The following POT1 variants were observed in gnomAD, a reference collection of about 807,000 sequenced individuals.
POT1 encodes protection of telomeres 1.
POT1 carries 47 observed loss-of-function variants against 78.5 expected under a neutral mutation model. The ratio of observed to expected loss-of-function variants is 0.60; its 90% CI spans 0.47 to 0.76. The LOEUF (loss-of-function observed/expected upper bound fraction) is 0.76, where lower values mean the gene tolerates loss of function less well. Among genes scored for constraint, POT1 ranks in the 30% least tolerant of loss-of-function variants. The pLI is 0.00. For missense variants in POT1, 646 were observed against 749.9 expected (o/e 0.86, Z 1.62); for synonymous variants, 259 against 260.7 (o/e 0.99, Z 0.06).
intron 14 of POT1, among the ~76,000 whole-genome samples, chr7:124,840,262 CA>C (rs1195010591): frequency 6.6e-6 from 1 of 151,404 alleles, no homozygotes; most frequent in Non-Finnish European, 1.5e-5. Flanking sequence ...TCTTCTATTA[CA>C]AAAGGTTTCA....
Position 124,823,238 on chromosome 7 carries a change from C to A in POT1, c.*724G>T, listed in dbSNP as rs1341866047. The A allele has an allele frequency of 1.3e-5, 2 of 151,928 alleles. No homozygotes were observed. Among genetic ancestry groups the A allele is most frequent in the African/African-American group, 2.4e-5 (1 of 41,400 alleles). The allele number at this position is 151,928 out of a possible 1,614,324, so 9.4% of individuals were successfully genotyped here. A position where few individuals can be genotyped will look rare whatever the true frequency, so the allele number is the denominator to read the frequency against. On this transcript the variant is annotated 3_prime_UTR_variant, in exon 19 of 19. Coordinates refer to ENST00000357628, the MANE Select transcript of POT1 (RefSeq NM_015450.3). ...TATCATTTTTCAGCTCAACTTAGGG[C>A]AAATAAATGAAACAGTTGAAATGTG... is the stretch of plus-strand genomic sequence containing the variant.
intron 6 of POT1, among the ~76,000 whole-genome samples, chr7:124,882,918 G>A (rs538204043): frequency 3.9e-4 from 59 of 152,152 alleles, no homozygotes; most frequent in African/African-American, 1.2e-3. Flanking sequence ...ACAAAGTGAA[G>A]TGATAGGGAG....
intron 2 of POT1, among the ~76,000 whole-genome samples, chr7:124,925,358 A>T (rs545103754): frequency 4.6e-5 from 7 of 152,216 alleles, no homozygotes; most frequent in Admixed American, 3.9e-4. Flanking sequence ...CCCATTTACA[A>T]CAGCTACAAA....
intron 6 of POT1, among the ~76,000 whole-genome samples, chr7:124,886,491 G>A (rs540996254): frequency 1.3e-5 from 2 of 152,054 alleles, no homozygotes; most frequent in African/African-American, 4.8e-5. Context: ...GAAGTTACTA[G>A]AGAGAGTTTT....
chr7:124,896,740 A>G (rs890005171), intron 5 of POT1, among the ~76,000 whole-genome samples: 5 of 151,760 alleles, frequency 3.3e-5, no homozygotes, highest in East Asian at 1.9e-4. Context: ...GAAATGTATC[A>G]TAAGTATAAG....
chr7:124,904,039 A>G (rs1337614942), intron 3 of POT1, among the ~76,000 whole-genome samples: 1 of 152,174 alleles, frequency 6.6e-6, no homozygotes, highest in Non-Finnish European at 1.5e-5. Context: ...CTAACAACCA[A>G]AAAAAGTCCA....
At chr7:124,907,760 G>A (rs1231905536) in intron 3 of POT1, among the ~76,000 whole-genome samples, 2 of 152,046 alleles carry the variant, frequency 1.3e-5, no homozygotes, top group African/African-American at 2.4e-5. Flanking sequence ...TGCAGGTAGA[G>A]AATGTGAGGG....
chr7:124,918,155 A>G (rs1358407347), intron 2 of POT1, among the ~76,000 whole-genome samples: 1 of 152,206 alleles, frequency 6.6e-6, no homozygotes. Context: ...TGCCATCCAT[A>G]ACTAGGACAA....
chr7:124,873,624 A>C (rs1795922706), intron 6 of POT1, among the ~76,000 whole-genome samples: 1 of 152,074 alleles, frequency 6.6e-6, no homozygotes, highest in Non-Finnish European at 1.5e-5. Flanking sequence ...ATGAGTTTGG[A>C]AACATTCCCT....
At chr7:124,834,176 A>T (rs1287459361) in intron 15 of POT1, among the ~76,000 whole-genome samples, 1 of 152,060 alleles carries the variant, frequency 6.6e-6, no homozygotes, top group Non-Finnish European at 1.5e-5. Flanking sequence ...GGGCAATACC[A>T]TTCAGGACAT....
chr7:124,855,618 A>G (rs928776494), intron 9 of POT1, among the ~76,000 whole-genome samples: 5 of 151,888 alleles, frequency 3.3e-5, no homozygotes, highest in African/African-American at 1.2e-4. Context: ...AAAATTATAA[A>G]AATACAGTTT....
rs147188391 is a variant in POT1 at position 124,904,745 on chromosome 7, C to T, written c.-153-6371G>A. Among the ~76,000 whole-genome samples, 766 of 152,284 alleles carry T rather than the reference C, an allele frequency of 5.0e-3. 9 individuals are homozygous for T. Among genetic ancestry groups the T allele is most frequent in the African/African-American group, 0.017 (703 of 41,542 alleles). ...ATGACATGATTATATGTTTAGAAAA[C>T]CCCATCGGTCTCAGCTCAAAATCTC... On this transcript the variant is annotated intron_variant, in intron 3 of 18. Transcript: ENST00000357628.
Position 124,822,624 on chromosome 7 carries a change from A to C in POT1, c.*1338T>G, listed in dbSNP as rs1476345112. 1 of 419,234 alleles carries C rather than the reference A, an allele frequency of 2.4e-6. No homozygotes were observed. The highest frequency in any genetic ancestry group is 7.2e-5 in the East Asian group (1 of 13,932). The allele number at this position is 419,234 out of a possible 1,614,324, so 26.0% of individuals were successfully genotyped here. A position where few individuals can be genotyped will look rare whatever the true frequency, so the allele number is the denominator to read the frequency against. ...CATCAACACGGAAACACACCTGTTC[A>C]ACTGTAGGGTTTTAAAATATTTTTC... is the stretch of plus-strand genomic sequence containing the variant. On this transcript the variant is annotated 3_prime_UTR_variant, in exon 19 of 19. Coordinates refer to ENST00000357628, the MANE Select transcript of POT1 (RefSeq NM_015450.3).
chr7:124,883,785 T>C (rs1032265394), intron 6 of POT1, among the ~76,000 whole-genome samples: 3 of 151,938 alleles, frequency 2.0e-5, no homozygotes, highest in African/African-American at 7.2e-5. Flanking sequence ...GCTTTTTTGT[T>C]TTAAAATGCC....
chr7:124,838,727 T>A (rs1794955168), intron 14 of POT1, among the ~76,000 whole-genome samples: 1 of 152,076 alleles, frequency 6.6e-6, no homozygotes, highest in Non-Finnish European at 1.5e-5. Flanking sequence ...TGCCTCAGCC[T>A]CCCGAGTAGT....
At chr7:124,824,931 G>A (rs1420722560) in intron 18 of POT1, among the ~76,000 whole-genome samples, 1 of 152,076 alleles carries the variant, frequency 6.6e-6, no homozygotes, top group Non-Finnish European at 1.5e-5. Context: ...AATGTTTACT[G>A]CCAACAATTC....
intron 3 of POT1, among the ~76,000 whole-genome samples, chr7:124,901,342 T>C (rs1430723827): frequency 6.6e-6 from 1 of 152,188 alleles, no homozygotes; most frequent in Non-Finnish European, 1.5e-5. Flanking sequence ...TGTTCTGCAA[T>C]ATTTGCTGTT....
intron 5 of POT1, among the ~76,000 whole-genome samples, chr7:124,895,339 G>C (rs1796466973): frequency 6.6e-6 from 1 of 151,394 alleles, no homozygotes; most frequent in South Asian, 2.1e-4. Flanking sequence ...ACACAGACAT[G>C]AACAATTTTT....
intron 6 of POT1, 135 bp from the exon 7 acceptor site, chr7:124,871,176 CAT>C (rs1753289047): frequency 1.5e-6 from 1 of 666,694 alleles, no homozygotes. Flanking sequence ...AAAACAGAGA[CAT>C]TTTCTTGGCT....
Sources: gnomAD v4.1 joint callset for allele counts (sites outside exome capture counted in the v4.1 genomes callset) on GRCh38, gnomAD v4.1.1 for gene constraint, MANE v1.5 for transcripts, NCBI Gene and HGNC (gene_info 2026-07-23, HGNC 2026-07-21) for gene names.